Variants in ARMC8 observed in about 807,000 individuals in gnomAD.
The protein encoded by ARMC8 is armadillo repeat-containing protein 8.
Under a neutral mutation model 99.3 loss-of-function variants are expected in ARMC8, and 20 were observed. The observed-to-expected ratio is 0.20, with a 90% CI of 0.14 to 0.29. The LOEUF (loss-of-function observed/expected upper bound fraction) is 0.29, where lower values mean the gene tolerates loss of function less well. ARMC8 is among the 10% of genes least tolerant of loss of function. ARMC8 has a pLI of 1.00. For missense variants in ARMC8, 569 were observed against 809.5 expected, an observed-to-expected ratio of 0.70 and a Z score of 3.60; for synonymous variants, 263 against 278.3, an observed-to-expected ratio of 0.95 and a Z score of 0.55.
At chr3:138,225,481 TGACA>T (rs1426978102) in intron 5 of ARMC8, among the ~76,000 whole-genome samples, 1 of 152,214 alleles carries the variant, frequency 6.6e-6, no homozygotes, top group East Asian at 1.9e-4. Flanking sequence ...GCTTTCTTAC[TGACA>T]GTTAGGCCAA....
intron 12 of ARMC8, chr3:138,246,696 T>C: frequency 1.0e-6 from 1 of 983,214 alleles, no homozygotes; most frequent in Non-Finnish European, 1.2e-6. Context: ...TGTACTTTTT[T>C]GTTAATAAAC....
rs549186346 is a variant in ARMC8 at position 138,242,259 on chromosome 3, G to C, written c.1038+276G>C. On this transcript the variant is annotated intron_variant, in intron 11 of 21. Coordinates refer to ENST00000469044, the MANE Select transcript of ARMC8 (RefSeq NM_001363941.2). ...TCAAAAGTAGTGGATTCTCCAAGCTGGGTATTGACATAACCGTATAATCTT... is the reference window on the plus strand; with the variant it reads ...TCAAAAGTAGTGGATTCTCCAAGCTCGGTATTGACATAACCGTATAATCTT... Among the ~76,000 whole-genome samples the C allele has an allele frequency of 1.2e-4, 19 of 152,250 alleles. 1 individual carries two copies. Among genetic ancestry groups the C allele is most frequent in the Non-Finnish European group, 2.4e-4 (16 of 68,010 alleles).
intron 18 of ARMC8, among the ~76,000 whole-genome samples, chr3:138,275,256 C>T (rs1203008753): frequency 3.3e-5 from 5 of 152,132 alleles, no homozygotes; most frequent in African/African-American, 4.8e-5. Flanking sequence ...GTTATGTTCT[C>T]TTTCAAAATT....
chr3:138,270,343 T>TTA (rs1356020319), intron 16 of ARMC8, among the ~76,000 whole-genome samples: 3 of 152,226 alleles, frequency 2.0e-5, no homozygotes, highest in Non-Finnish European at 4.4e-5. Flanking sequence ...GTTCTCTTAT[T>TTA]TATTATTAAG....
In ARMC8 at chr3:138,201,436, C is replaced by CT. The variant is rs58707271; in HGVS notation, c.46-8340dup. Among the ~76,000 whole-genome samples the CT allele has an allele frequency of 4.6e-4, 30 of 64,986 alleles. 6 individuals are homozygous for CT. Among genetic ancestry groups the CT allele is most frequent in the East Asian group, 9.4e-4 (2 of 2,126 alleles). The allele number at this position is 64,986 out of a possible 152,430, so 42.6% of individuals were successfully genotyped here. On this transcript the variant is annotated intron_variant, in intron 1 of 21. Coordinates refer to ENST00000469044, the MANE Select transcript of ARMC8 (RefSeq NM_001363941.2). ...TAGAGTCCTTGTCTTCTTCCCCTCC[C>CT]TTTTTTTTTTTTTTTTTTTTTTTTT...
At chr3:138,280,691 A>G (rs905203522) in intron 18 of ARMC8, among the ~76,000 whole-genome samples, 2 of 151,700 alleles carry the variant, frequency 1.3e-5, no homozygotes, top group Non-Finnish European at 2.9e-5. Context: ...ACAGGGTTTC[A>G]CCATGTTGGC....
chr3:138,225,951 A>C (rs1223918645), intron 5 of ARMC8, among the ~76,000 whole-genome samples: 2 of 152,180 alleles, frequency 1.3e-5, no homozygotes, highest in East Asian at 3.8e-4. Context: ...TTTATGGGTC[A>C]CCTCACACAG....
In ARMC8 at chr3:138,241,923, C is replaced by T; in HGVS notation, c.978C>T (p.Ala326=). The change falls in exon 11 of 22, where the codon GCC becomes GCT. Residue 326 remains alanine (A), a synonymous_variant. Coordinates refer to ENST00000469044, the MANE Select transcript of ARMC8 (RefSeq NM_001363941.2). ...CTAGCATAACTGATCACCTCATTGC[C>T]ATGCTTGCTGATTATTTCAAGTATC... ...RIASITDHLI[A]MLADYFKYPS... is the part of the protein sequence containing the mutation. 6.2e-7 allele frequency: 1 copy of T among 1,614,040 alleles called. No homozygotes were observed. The highest frequency in any genetic ancestry group is 8.5e-7 in the Non-Finnish European group (1 of 1,179,966).
intron 16 of ARMC8, among the ~76,000 whole-genome samples, 198 bp from the exon 17 acceptor site, chr3:138,272,769 G>C (rs1248430287): frequency 6.6e-6 from 1 of 152,182 alleles, no homozygotes; most frequent in African/African-American, 2.4e-5. Context: ...CAGCTACTCA[G>C]GAGACTGAGG....
At chr3:138,188,084 T>C (rs1033866455) in intron 1 of ARMC8, 2 of 228,910 alleles carry the variant, frequency 8.7e-6, no homozygotes, top group South Asian at 1.5e-4. Context: ...AGGCCAAGTC[T>C]GTGCGGCTTC....
chr3:138,226,153 C>T (rs918974417), intron 5 of ARMC8, among the ~76,000 whole-genome samples: 11 of 152,166 alleles, frequency 7.2e-5, no homozygotes, highest in Non-Finnish European at 1.0e-4. Flanking sequence ...CCACCATGAC[C>T]GGCTAATTTT....
intron 6 of ARMC8, among the ~76,000 whole-genome samples, chr3:138,232,966 C>T (rs1252562413): frequency 1.3e-5 from 2 of 152,118 alleles, no homozygotes; most frequent in Non-Finnish European, 2.9e-5. Flanking sequence ...CTTAAAAAGC[C>T]TTAGTGTGAT....
intron 17 of ARMC8, among the ~76,000 whole-genome samples, chr3:138,274,006 C>A (rs904292973): frequency 9.9e-5 from 15 of 152,014 alleles, no homozygotes; most frequent in African/African-American, 3.6e-4. Flanking sequence ...GTAGTAGAGA[C>A]GGGGTTTTGC....
rs1193721544 is a variant in ARMC8, at chr3:138,223,659, T to G, written c.361T>G (p.Phe121Val). ...AGGACTACTGTCCCCAGACCTGAAG[T>G]TTATTGAAGCTTGCCTCCGATGCCT... ...LQGLLSPDLK[F>V]IEACLRCLRT... Residue 121 changes from phenylalanine to valine, a missense_variant, in exon 5 of 22, where the codon TTT becomes GTT. Physicochemically the swap from Phe to Val is conservative, Grantham distance 50. Transcript: ENST00000469044. The G allele has an allele frequency of 3.7e-6, 6 of 1,614,178 alleles. No homozygotes were observed. Among genetic ancestry groups the G allele is most frequent in the Non-Finnish European group, 5.1e-6 (6 of 1,180,030 alleles).
At chr3:138,274,218 G>A (rs900895140) in intron 17 of ARMC8, among the ~76,000 whole-genome samples, 3 of 149,494 alleles carry the variant, frequency 2.0e-5, no homozygotes, top group African/African-American at 5.1e-5. Flanking sequence ...GTATGTATGT[G>A]TAATGTGTAT....
chr3:138,238,006 G>GA (rs765777457), intron 9 of ARMC8: 127 of 131,122 alleles, frequency 9.7e-4, no homozygotes, highest in South Asian at 4.7e-3. Context: ...ATCTTTTAAG[G>GA]AAAAAAAAAA....
chr3:138,287,191 C>T (rs999805501), intron 19 of ARMC8, among the ~76,000 whole-genome samples: 1 of 152,210 alleles, frequency 6.6e-6, no homozygotes, highest in African/African-American at 2.4e-5. Context: ...CTTTCAGGGG[C>T]TTCCTCTCAA....
At chr3:138,215,929 C>T (rs1483565818) in intron 2 of ARMC8, among the ~76,000 whole-genome samples, 11 of 151,302 alleles carry the variant, frequency 7.3e-5, no homozygotes, top group South Asian at 2.1e-4. Flanking sequence ...GATGCAATCT[C>T]GGCTCACTGC....
At chr3:138,270,918 G>A (rs1036074932) in intron 16 of ARMC8, among the ~76,000 whole-genome samples, 2 of 152,112 alleles carry the variant, frequency 1.3e-5, no homozygotes, top group Admixed American at 6.5e-5. Flanking sequence ...CTCTGTACCA[G>A]ACACTAAGCT....
Sources: gnomAD v4.1 joint callset for allele counts (sites outside exome capture counted in the v4.1 genomes callset) on GRCh38, gnomAD v4.1.1 for gene constraint, MANE v1.5 for transcripts, NCBI Gene and HGNC (gene_info 2026-07-23, HGNC 2026-07-21) for gene names.